PI4KA: variants seen among roughly 807,000 people sequenced by gnomAD.
PI4KA encodes PI4-kinase alpha.
A neutral mutation model predicts 271.4 loss-of-function variants in PI4KA; 122 were observed. That is an observed-to-expected ratio of 0.45 (90% CI 0.39 to 0.52). The LOEUF (loss-of-function observed/expected upper bound fraction) is 0.52, where lower values mean the gene tolerates loss of function less well. Ranked by LOEUF, PI4KA falls within the 20% of genes least tolerant of loss-of-function variation. The probability of loss-of-function intolerance (pLI) is 0.00; values close to 1 mark genes in which losing one functional copy is unlikely to be tolerated. For synonymous variants in PI4KA, 1,041 were observed against 1,078.8 expected, an observed-to-expected ratio of 0.96 and a Z score of 0.69; for missense variants, 1,969 against 2,769.1, an observed-to-expected ratio of 0.71 and a Z score of 6.48.
At chr22:20,737,767 G>A (rs1928914832) in intron 32 of PI4KA, among the ~76,000 whole-genome samples, 1 of 152,080 alleles carries the variant, frequency 6.6e-6, no homozygotes, top group African/African-American at 2.4e-5. Context: ...AAGTAGCTGG[G>A]ATTACAGGCA....
chr22:20,729,750 G>A (rs377010775), intron 37 of PI4KA, 39 bp from the exon 38 acceptor site: 4 of 1,569,226 alleles, frequency 2.5e-6, no homozygotes, highest in Non-Finnish European at 3.5e-6. Flanking sequence ...GTCCTCAGAT[G>A]CTACCTGTCT....
chr22:20,833,190 C>T (rs551510129), intron 3 of PI4KA, among the ~76,000 whole-genome samples: 3 of 152,178 alleles, frequency 2.0e-5, no homozygotes, highest in East Asian at 1.9e-4. Flanking sequence ...CTATGTCCTC[C>T]AACACTGGGG....
At position 20,729,371 on chromosome 22, in the gene PI4KA, C is replaced by T. The variant is rs1927736608; in HGVS notation, c.4624G>A (p.Asp1542Asn). Residue 1542 changes from aspartate (D) to asparagine (N), a missense_variant, in exon 39 of 55, where the codon GAC becomes AAC. Physicochemically the swap from Asp to Asn is conservative, Grantham distance 23. Coordinates refer to ENST00000255882, the MANE Select transcript of PI4KA (RefSeq NM_058004.4). Reference sequence around the variant, plus strand: ...ATGCTCCAGGCGAGGTTCACGTTGTCCTTCCACTGCTTCTCACTCAGGCTG... The same window carrying T: ...ATGCTCCAGGCGAGGTTCACGTTGTTCTTCCACTGCTTCTCACTCAGGCTG... ...YISLSEKQWK[D>N]NVNLAWSISP... The T allele has an allele frequency of 1.2e-6, 2 of 1,614,022 alleles. No individual in the cohort carries two copies. The highest frequency in any genetic ancestry group is 1.7e-6 in the Non-Finnish European group (2 of 1,180,014).
chr22:20,740,734 AC>A (rs1397598334), intron 32 of PI4KA, among the ~76,000 whole-genome samples: 1 of 152,246 alleles, frequency 6.6e-6, no homozygotes, highest in East Asian at 1.9e-4. Context: ...GGCCGGCTGT[AC>A]TGAGAAACAA....
intron 23 of PI4KA, 48 bp from the exon 24 acceptor site, chr22:20,753,228 A>T (rs1271837411): frequency 2.6e-6 from 4 of 1,519,458 alleles, no homozygotes; most frequent in Non-Finnish European, 3.6e-6. Context: ...CAGAGAGAGA[A>T]TCCTAGCAAC....
chr22:20,716,848 AT>A (rs1926061773), intron 45 of PI4KA, among the ~76,000 whole-genome samples: 1 of 152,210 alleles, frequency 6.6e-6, no homozygotes, highest in Admixed American at 6.5e-5. Flanking sequence ...TTGGGAAGAA[AT>A]GGTTAAACCG....
At chr22:20,750,973 G>C (rs1189266221) in intron 27 of PI4KA, among the ~76,000 whole-genome samples, 4 of 152,212 alleles carry the variant, frequency 2.6e-5, no homozygotes. Flanking sequence ...ATGCTTGTGC[G>C]ACGCAGACTC....
At chr22:20,747,420 G>A in intron 29 of PI4KA, 163 bp downstream of exon 29, 1 of 581,624 alleles carries the variant, frequency 1.7e-6, no homozygotes, top group Non-Finnish European at 2.8e-6. Context: ...TCTTCTTTGG[G>A]CCAAGGTGCG....
chr22:20,716,056 GTT>G (rs112549796), intron 45 of PI4KA, among the ~76,000 whole-genome samples: 1 of 145,606 alleles, frequency 6.9e-6, no homozygotes, highest in African/African-American at 2.5e-5. Flanking sequence ...TGCCTGGTTA[GTT>G]TTTTTTTTTT....
intron 23 of PI4KA, among the ~76,000 whole-genome samples, chr22:20,755,803 T>TA (rs771767684): frequency 5.1e-3 from 478 of 93,564 alleles, no homozygotes; most frequent in African/African-American, 0.012. Flanking sequence ...CACTGTCACA[T>TA]AAAAAAAAAA....
intron 42 of PI4KA, chr22:20,725,647 C>A: frequency 2.6e-6 from 1 of 387,628 alleles, no homozygotes; most frequent in Non-Finnish European, 5.5e-6. Flanking sequence ...ATAATCCCAG[C>A]ACTTTTGGAG....
intron 36 of PI4KA, among the ~76,000 whole-genome samples, chr22:20,731,612 G>A (rs575974356): frequency 6.6e-6 from 1 of 152,128 alleles, no homozygotes; most frequent in African/African-American, 2.4e-5. Flanking sequence ...TGGCCAATAT[G>A]GTGAAGCCCT....
At chr22:20,756,298 G>A (rs187331283) in intron 23 of PI4KA, among the ~76,000 whole-genome samples, 30 of 151,248 alleles carry the variant, frequency 2.0e-4, no homozygotes, top group African/African-American at 7.0e-4. Flanking sequence ...TGCAACCTCC[G>A]ACGGGTTGCA....
rs112197871 is a variant in PI4KA at position 20,858,428 on chromosome 22, G to A, written c.156+142C>T. 0.068 allele frequency: 36,415 copies of A among 536,144 alleles called. 1,264 individuals are homozygous for A. Among genetic ancestry groups the A allele is most frequent in the Non-Finnish European group, 0.073 (25,302 of 348,978 alleles). 33.2% of individuals were successfully genotyped at this position (536,144 alleles called of 1,614,324 possible). The stretch of plus-strand genomic sequence containing the variant: ...CCACTAGGGCCTCCTTCCCCCGCTA[G>A]ATCCCTCCGCTCAGGCGCCCCCTCC... On this transcript the variant is annotated intron_variant, in intron 1 of 54. Transcript: ENST00000255882.
chr22:20,822,651 G>A (rs1200214244), intron 4 of PI4KA, among the ~76,000 whole-genome samples: 1 of 152,178 alleles, frequency 6.6e-6, no homozygotes. Context: ...AGGCAGTTCT[G>A]CAAACCCTCC....
In PI4KA at chr22:20,742,313, A is replaced by C; in HGVS notation, c.3656T>G (p.Leu1219Arg). The change falls in exon 32 of 55, where the codon CTC (leucine) becomes CGC (arginine). Residue 1219 changes from leucine (L) to arginine (R), a missense_variant. This residue lies in a region of PI4KA where 203 missense variants were observed against 256.8 expected (regional missense o/e 0.79). Coordinates refer to ENST00000255882, the MANE Select transcript of PI4KA (RefSeq NM_058004.4). ...QLLHHLCWGP[L>R]RMFNEHGMET... ...CATGCCATGCTCATTGAACATCCGG[A>C]GGGGACCCCAGCACAGATGATGAAG... 6.2e-7 allele frequency: 1 copy of C among 1,614,160 alleles called. No individual in the cohort carries two copies.
At chr22:20,719,968 G>GC (rs1926505032) in intron 43 of PI4KA, among the ~76,000 whole-genome samples, 1 of 143,794 alleles carries the variant, frequency 7.0e-6, no homozygotes, top group African/African-American at 2.6e-5. Context: ...GGAGCTTGCA[G>GC]TGAGCCGAGA....
chr22:20,813,913 C>T (rs1415640980), intron 7 of PI4KA, among the ~76,000 whole-genome samples: 1 of 152,198 alleles, frequency 6.6e-6, no homozygotes, highest in Non-Finnish European at 1.5e-5. Context: ...ATTCTCCTGC[C>T]TCAGCCTTCC....
At chr22:20,788,946 A>C (rs1044042860) in intron 19 of PI4KA, among the ~76,000 whole-genome samples, 3 of 152,214 alleles carry the variant, frequency 2.0e-5, no homozygotes, top group African/African-American at 7.2e-5. Context: ...CCAGAAAGGC[A>C]GTGGTCACTT....
Sources: allele counts gnomAD v4.1 joint callset (sites outside exome capture counted in the v4.1 genomes callset), GRCh38; gene constraint gnomAD v4.1.1; regional missense constraint gnomAD v4.1.1; transcripts MANE v1.5; gene names NCBI Gene and HGNC (gene_info 2026-07-23, HGNC 2026-07-21).